GALNT18: variants seen among roughly 807,000 people sequenced by gnomAD.
GALNT18 encodes GalNAc-transferase 18.
Under a neutral mutation model 69.5 loss-of-function variants are expected in GALNT18, and 44 were observed. The ratio of observed to expected loss-of-function variants is 0.63; its 90% confidence interval spans 0.50 to 0.81. The LOEUF (loss-of-function observed/expected upper bound fraction) is 0.81, where lower values mean the gene tolerates loss of function less well. Among genes scored for constraint, GALNT18 ranks in the 40% least tolerant of loss-of-function variants. GALNT18 has a pLI of 0.00. For missense variants in GALNT18, 715 were observed against 810.0 expected, an observed-to-expected ratio of 0.88 and a Z score of 1.42; for synonymous variants, 364 against 318.2, an observed-to-expected ratio of 1.14 and a Z score of -1.53.
intron 1 of GALNT18, among the ~76,000 whole-genome samples, chr11:11,578,077 T>TG (rs1565023473): frequency 6.6e-6 from 1 of 152,144 alleles, no homozygotes; most frequent in Non-Finnish European, 1.5e-5. Flanking sequence ...AGCATTGACC[T>TG]GGGGCAAAAC....
At chr11:11,445,022 C>G (rs1193424419) in intron 2 of GALNT18, among the ~76,000 whole-genome samples, 2 of 152,220 alleles carry the variant, frequency 1.3e-5, no homozygotes, top group Non-Finnish European at 2.9e-5. Context: ...TGGCAACAAG[C>G]CTTGGTTTCA....
intron 10 of GALNT18, among the ~76,000 whole-genome samples, chr11:11,279,383 C>T (rs991849407): frequency 6.6e-6 from 1 of 152,096 alleles, no homozygotes; most frequent in East Asian, 1.9e-4. Flanking sequence ...TTGAAATGGG[C>T]AGTACCTACT....
Position 11,341,109 on chromosome 11 carries a change from C to G in GALNT18, c.1093-105G>C. On this transcript the variant is annotated intron_variant, in intron 6 of 10. Coordinates refer to ENST00000227756, the MANE Select transcript of GALNT18 (RefSeq NM_198516.3). This position sits in a 1 kb window ranked among gnomAD's most constrained non-coding sequence, Gnocchi z 6.3. ...TGAGCAGGAAGAAAGTCAGCCCCTT[C>G]ACCTTGACTCCCCAGATCACTCTCT... 3.0e-6 allele frequency: 3 copies of G among 1,003,514 alleles called. No individual in the cohort carries two copies. The highest frequency in any genetic ancestry group is 4.4e-6 in the Non-Finnish European group (3 of 682,120). 62.2% of individuals were successfully genotyped at this position (1,003,514 alleles called of 1,614,324 possible).
intron 1 of GALNT18, among the ~76,000 whole-genome samples, chr11:11,534,015 A>C (rs1020461890): frequency 2.0e-5 from 3 of 152,214 alleles, no homozygotes; most frequent in Admixed American, 6.5e-5. Context: ...ACTATGCATC[A>C]TCTCACGCAG....
At chr11:11,349,264 A>AT (rs1850356742) in intron 6 of GALNT18, among the ~76,000 whole-genome samples, 1 of 152,094 alleles carries the variant, frequency 6.6e-6, no homozygotes, top group East Asian at 1.9e-4. Context: ...ACGCGCTTGT[A>AT]TGTGTCTCCT....
intron 10 of GALNT18, among the ~76,000 whole-genome samples, chr11:11,284,911 T>TTTTTTTTTG (rs1849162500): frequency 2.7e-5 from 2 of 75,190 alleles, no homozygotes; most frequent in African/African-American, 3.5e-5. Context: ...CTTTCGTGTT[T>TTTTTTTTTG]TTTTTTTTTT....
At position 11,540,343 on chromosome 11, in the gene GALNT18, A is replaced by C. The variant is rs926155023; in HGVS notation, c.235+81016T>G. 6.6e-6 allele frequency among the ~76,000 whole-genome samples: 1 copy of C among 152,064 alleles called. No homozygotes were observed. The highest frequency in any genetic ancestry group is 1.5e-5 in the Non-Finnish European group (1 of 68,020). On this transcript the variant is annotated intron_variant, in intron 1 of 10. Transcript: ENST00000227756. The surrounding 1 kb of genome is among the most constrained non-coding windows in gnomAD (Gnocchi z 4.6). The stretch of plus-strand genomic sequence containing the variant: ...TGCCATGGAAACTTGTGACTCCTAC[A>C]TCCCTGATGCTAGGACAAGAGCATG...
At chr11:11,336,110 C>T (rs1374020549) in intron 7 of GALNT18, among the ~76,000 whole-genome samples, 1 of 152,214 alleles carries the variant, frequency 6.6e-6, no homozygotes, top group Non-Finnish European at 1.5e-5. Flanking sequence ...ACATGACAAG[C>T]CATCCCTGGC....
rs1441571489 is a variant in GALNT18 at position 11,469,056 on chromosome 11, C to G, written c.236-20120G>C. Among the ~76,000 whole-genome samples the G allele has an allele frequency of 6.6e-6, 1 of 152,294 alleles. No homozygotes were observed. Among genetic ancestry groups the G allele is most frequent in the East Asian group, 1.9e-4 (1 of 5,168 alleles). On this transcript the variant is annotated intron_variant, in intron 1 of 10. Transcript: ENST00000227756. The surrounding 1 kb of genome is among the most constrained non-coding windows in gnomAD (Gnocchi z 4.2). Reference sequence around the variant, plus strand: ...GTAGGGACAGTGTGTTGGGCACAACCACTGCCTCTTGAGATGAGGCCACCA... The same window carrying G: ...GTAGGGACAGTGTGTTGGGCACAACGACTGCCTCTTGAGATGAGGCCACCA...
Position 11,615,143 on chromosome 11 carries a change from T to A in GALNT18, c.235+6216A>T, listed in dbSNP as rs142600915. On this transcript the variant is annotated intron_variant, in intron 1 of 10. Coordinates refer to ENST00000227756, the MANE Select transcript of GALNT18 (RefSeq NM_198516.3). ...ACACTCTTTCCTCAAATAAACTCCA[T>A]GCACTCAGCAAACATCATATCCTCT... Among the ~76,000 whole-genome samples, 295 of 152,312 alleles carry A rather than the reference T, an allele frequency of 1.9e-3. 2 individuals are homozygous for A. Among genetic ancestry groups the A allele is most frequent in the African/African-American group, 6.6e-3 (275 of 41,552 alleles).
At chr11:11,567,908 T>A (rs756648355) in intron 1 of GALNT18, among the ~76,000 whole-genome samples, 5 of 152,298 alleles carry the variant, frequency 3.3e-5, no homozygotes, top group Non-Finnish European at 5.9e-5. Flanking sequence ...TCTGGTACAA[T>A]GCATTCGTTA....
Position 11,446,016 on chromosome 11 carries a change from G to T in GALNT18, c.428+2728C>A, listed in dbSNP as rs546108806. On this transcript the variant is annotated intron_variant, in intron 2 of 10. Transcript: ENST00000227756. ...TCAAAGATCAAGGGCTCCCACATGC[G>T]CTCTCATTGTGCAGCATTGTGCACA... Among the ~76,000 whole-genome samples, 98 of 152,226 alleles carry T rather than the reference G, an allele frequency of 6.4e-4. 3 individuals carry two copies. In the Middle Eastern group the frequency reaches 0.014, roughly 21 times the overall value.
At chr11:11,581,958 C>A (rs1239467332) in intron 1 of GALNT18, among the ~76,000 whole-genome samples, 1 of 151,972 alleles carries the variant, frequency 6.6e-6, no homozygotes, top group Non-Finnish European at 1.5e-5. Flanking sequence ...AGGACAAAGT[C>A]CCTGCCCCCA....
chr11:11,614,627 C>T lies in GALNT18; in HGVS notation c.235+6732G>A, dbSNP rs546273789. On this transcript the variant is annotated intron_variant, in intron 1 of 10. Coordinates refer to ENST00000227756, the MANE Select transcript of GALNT18 (RefSeq NM_198516.3). This position sits in a 1 kb window ranked among gnomAD's most constrained non-coding sequence, Gnocchi z 5.6. ...GTGAAGTGAGGTCAGAAATCCTATA[C>T]GATGGTAATGAAGACGCTCCAGTAA... Among the ~76,000 whole-genome samples, 34 of 152,292 alleles carry T rather than the reference C, an allele frequency of 2.2e-4. No homozygotes were observed. The highest frequency in any genetic ancestry group is 3.9e-4 in the Admixed American group (6 of 15,298).
intron 6 of GALNT18, among the ~76,000 whole-genome samples, chr11:11,357,620 GA>G: frequency 6.6e-6 from 1 of 152,330 alleles, no homozygotes; most frequent in South Asian, 2.1e-4. Context: ...GCTTTGGACA[GA>G]ACTGTGTTTA....
intron 3 of GALNT18, among the ~76,000 whole-genome samples, chr11:11,399,971 A>G (rs1854423226): frequency 6.6e-6 from 1 of 152,218 alleles, no homozygotes; most frequent in African/African-American, 2.4e-5. Context: ...TTTTATCTTC[A>G]AAAATGAAGC....
At chr11:11,594,358 T>G (rs1859435830) in intron 1 of GALNT18, among the ~76,000 whole-genome samples, 1 of 152,212 alleles carries the variant, frequency 6.6e-6, no homozygotes, top group South Asian at 2.1e-4. Flanking sequence ...AAAGGTACAA[T>G]TCAATGGTTT....
chr11:11,288,671 G>A (rs1056849730), intron 10 of GALNT18, among the ~76,000 whole-genome samples: 1 of 152,186 alleles, frequency 6.6e-6, no homozygotes, highest in Non-Finnish European at 1.5e-5. Flanking sequence ...GCACATCAGC[G>A]TTGCCAAGAG....
At chr11:11,369,182 G>A (rs1404904062) in intron 6 of GALNT18, among the ~76,000 whole-genome samples, 1 of 152,098 alleles carries the variant, frequency 6.6e-6, no homozygotes, top group Non-Finnish European at 1.5e-5. Context: ...CCCTGTGTAG[G>A]TTTCCCGGGC....
Sources: allele counts gnomAD v4.1 joint callset (sites outside exome capture counted in the v4.1 genomes callset), GRCh38; gene constraint gnomAD v4.1.1; non-coding constraint Gnocchi (gnomAD v3.1); transcripts MANE v1.5; gene names NCBI Gene and HGNC (gene_info 2026-07-23, HGNC 2026-07-21).